The following CADM2 variants were observed in gnomAD, a reference collection of about 807,000 sequenced individuals.
CADM2 encodes cell adhesion molecule 2.
Under a neutral mutation model 49.8 loss-of-function variants are expected in CADM2, and 12 were observed. The observed-to-expected ratio is 0.24, with a 90% CI of 0.15 to 0.39. The LOEUF (loss-of-function observed/expected upper bound fraction) is 0.39. CADM2 is among the 10% of genes least tolerant of loss of function. The pLI is 1.00. For missense variants in CADM2, 378 were observed against 492.3 expected, an observed-to-expected ratio of 0.77 and a Z score of 2.20; for synonymous variants, 214 against 175.4, an observed-to-expected ratio of 1.22 and a Z score of -1.74.
chr3:85,443,500 A>G (rs1334098763), intron 1 of CADM2, among the ~76,000 whole-genome samples: 1 of 151,450 alleles, frequency 6.6e-6, no homozygotes, highest in Non-Finnish European at 1.5e-5. Flanking sequence ...TCTTTCTCCA[A>G]CTCTTTCCAT....
chr3:85,807,304 G>T (rs13064386), intron 3 of CADM2, among the ~76,000 whole-genome samples: 22,021 of 152,018 alleles, frequency 0.14, 2,020 homozygotes, highest in Non-Finnish European at 0.2. Context: ...TTTGAGACCA[G>T]CCTGGCCAAC....
chr3:85,423,104 A>G (rs1169166218), intron 1 of CADM2, among the ~76,000 whole-genome samples: 1 of 151,926 alleles, frequency 6.6e-6, no homozygotes, highest in Non-Finnish European at 1.5e-5. Flanking sequence ...TGGGAAAATG[A>G]TCTTCCCCCG....
chr3:85,347,605 AT>A (rs1378714984), intron 1 of CADM2, among the ~76,000 whole-genome samples: 1 of 141,530 alleles, frequency 7.1e-6, no homozygotes, highest in Admixed American at 7.2e-5. Context: ...ATACATATAT[AT>A]AAAAATATAT....
intron 1 of CADM2, among the ~76,000 whole-genome samples, chr3:85,657,553 A>G (rs2065239455): frequency 2.0e-5 from 3 of 151,506 alleles, no homozygotes. Context: ...AATTGGCTTT[A>G]TTATGTGGAC....
chr3:85,469,863 A>T (rs933501305), intron 1 of CADM2, among the ~76,000 whole-genome samples: 2 of 152,172 alleles, frequency 1.3e-5, no homozygotes, highest in Non-Finnish European at 1.5e-5. Context: ...GAGGTGCCCA[A>T]TGAGTATTAT....
chr3:85,100,083 CT>C (rs914819132), intron 1 of CADM2, among the ~76,000 whole-genome samples: 4 of 152,058 alleles, frequency 2.6e-5, no homozygotes, highest in Non-Finnish European at 5.9e-5. Flanking sequence ...TTCAGTGTCT[CT>C]GTTGCTCTAA....
intron 1 of CADM2, among the ~76,000 whole-genome samples, chr3:85,105,950 G>T (rs528190574): frequency 5.3e-5 from 8 of 151,990 alleles, no homozygotes; most frequent in Non-Finnish European, 1.5e-5. Context: ...GTGGTGGGGT[G>T]GGGGGACGGG....
At chr3:85,367,722 C>T (rs1025167198) in intron 1 of CADM2, among the ~76,000 whole-genome samples, 1 of 151,802 alleles carries the variant, frequency 6.6e-6, no homozygotes, top group African/African-American at 2.4e-5. Context: ...ATTTTCATCC[C>T]TATGACTTGA....
intron 1 of CADM2, among the ~76,000 whole-genome samples, chr3:85,121,902 A>G (rs2038877275): frequency 1.3e-5 from 2 of 152,014 alleles, no homozygotes; most frequent in African/African-American, 4.8e-5. Flanking sequence ...TCTCACATAT[A>G]TTGACATTTT....
intron 2 of CADM2, among the ~76,000 whole-genome samples, chr3:85,781,106 T>C (rs747094786): frequency 6.6e-6 from 1 of 152,176 alleles, no homozygotes; most frequent in Non-Finnish European, 1.5e-5. Flanking sequence ...AACTGGCCAA[T>C]GAAGCCCAGT....
At chr3:85,069,405 G>T (rs1222744240) in intron 1 of CADM2, among the ~76,000 whole-genome samples, 1 of 151,932 alleles carries the variant, frequency 6.6e-6, no homozygotes, top group Non-Finnish European at 1.5e-5. Context: ...AAGTACTTTT[G>T]CATATTATGC....
chr3:85,248,551 C>T (rs1278881860), intron 1 of CADM2, among the ~76,000 whole-genome samples: 1 of 152,186 alleles, frequency 6.6e-6, no homozygotes, highest in Non-Finnish European at 1.5e-5. Flanking sequence ...GCTAGGATTA[C>T]AGGCGTGAGC....
chr3:85,294,672 A>G (rs2043905986), intron 1 of CADM2, among the ~76,000 whole-genome samples: 2 of 151,566 alleles, frequency 1.3e-5, no homozygotes, highest in South Asian at 4.2e-4. Context: ...CAAACCTGAG[A>G]AAAACAAGCA....
At chr3:84,994,067 G>C (rs1326284533) in intron 1 of CADM2, among the ~76,000 whole-genome samples, 1 of 152,036 alleles carries the variant, frequency 6.6e-6, no homozygotes, top group African/African-American at 2.4e-5. Flanking sequence ...TCAGTTGTTA[G>C]GTAATTTCCA....
chr3:85,440,224 GCT>G (rs1021063911), intron 1 of CADM2, among the ~76,000 whole-genome samples: 1 of 152,078 alleles, frequency 6.6e-6, no homozygotes, highest in African/African-American at 2.4e-5. Flanking sequence ...CAAAGAAGGT[GCT>G]TTTTTAATTT....
intron 1 of CADM2, among the ~76,000 whole-genome samples, chr3:85,402,261 C>G (rs1474246378): frequency 6.6e-6 from 1 of 151,928 alleles, no homozygotes; most frequent in Non-Finnish European, 1.5e-5. Flanking sequence ...GATATTTATA[C>G]TCTACATTAG....
rs532026882 is a variant in CADM2 at position 85,017,274 on chromosome 3, G to A, written c.61+57606G>A. ...ACTCTTCCAAGAAGTGTAGGTGAGA[G>A]GAAGACAGAATGTGATAGCACAGGG... is the stretch of plus-strand genomic sequence containing the variant. On this transcript the variant is annotated intron_variant, in intron 1 of 9. Transcript: ENST00000383699. Among the ~76,000 whole-genome samples the A allele has an allele frequency of 1.3e-4, 20 of 152,270 alleles. No individual in the cohort carries two copies. The South Asian group carries it at 3.9e-3, about 30-fold the overall frequency.
intron 1 of CADM2, among the ~76,000 whole-genome samples, chr3:85,312,894 A>G (rs2044380807): frequency 6.6e-6 from 1 of 152,178 alleles, no homozygotes; most frequent in South Asian, 2.1e-4. Flanking sequence ...TTATGTATTA[A>G]GAATTAATTT....
chr3:85,681,657 A>G (rs1466314093), intron 1 of CADM2, among the ~76,000 whole-genome samples: 1 of 152,142 alleles, frequency 6.6e-6, no homozygotes, highest in Non-Finnish European at 1.5e-5. Flanking sequence ...AATTAACACT[A>G]GTGGAGTCAA....
Sources: gnomAD v4.1 joint callset for allele counts (sites outside exome capture counted in the v4.1 genomes callset) on GRCh38, gnomAD v4.1.1 for gene constraint, MANE v1.5 for transcripts, NCBI Gene and HGNC (gene_info 2026-07-23, HGNC 2026-07-21) for gene names.